LOXHD1: variants seen among roughly 807,000 people sequenced by gnomAD.
LOXHD1 encodes lipoxygenase homology PLAT domains 1.
A neutral mutation model predicts 248.2 loss-of-function variants in LOXHD1; 205 were observed. The ratio of observed to expected loss-of-function variants is 0.83; its 90% CI spans 0.74 to 0.93. The LOEUF is 0.93. Among genes scored for constraint, LOXHD1 ranks in the 40% least tolerant of loss-of-function variants. LOXHD1 has a pLI of 0.00. For missense variants in LOXHD1, 2,930 were observed against 2,971.6 expected (o/e 0.99, Z 0.33); for synonymous variants, 1,113 against 1,162.8 (o/e 0.96, Z 0.87).
At position 46,607,392 on chromosome 18, in the gene LOXHD1, C is replaced by T. The variant is rs921572520; in HGVS notation, c.760-3163G>A. ...ATGTACATATATACATATATACGTA[C>T]GTATATGTACATATATACATATATA... is the stretch of plus-strand genomic sequence containing the variant. On this transcript the variant is annotated intron_variant, in intron 6 of 40. Coordinates refer to ENST00000642948, the MANE Select transcript of LOXHD1 (RefSeq NM_001384474.1). 6.1e-5 allele frequency among the ~76,000 whole-genome samples: 9 copies of T among 147,820 alleles called. No homozygotes were observed. In the South Asian group the frequency reaches 1.1e-3, roughly 17 times the overall value.
chr18:46,562,968 C>T (rs531634587), intron 18 of LOXHD1, 97 bp downstream of exon 18: 52 of 1,376,632 alleles, frequency 3.8e-5, no homozygotes, highest in Admixed American at 1.4e-4. Context: ...AGCCCATTCT[C>T]GGGTGAGTAT....
chr18:46,601,456 T>C lies in LOXHD1; in HGVS notation c.895A>G (p.Ile299Val), dbSNP rs1330216987. ...GGAETTAITY[I>V]VTVFTGDVRG... is the part of the protein sequence containing the mutation. ...ACATCCCCAGTGAAGACGGTGACAA[T>C]ATACGTAATAGCTGGTGTGGAAACA... The change falls in exon 8 of 41, where the codon ATT (isoleucine) becomes GTT (valine). Residue 299 changes from isoleucine (I) to valine (V), a missense_variant. Coordinates refer to ENST00000642948, the MANE Select transcript of LOXHD1 (RefSeq NM_001384474.1). 1 of 1,551,588 alleles carries C rather than the reference T, an allele frequency of 6.4e-7. No individual in the cohort carries two copies. The highest frequency in any genetic ancestry group is 1.4e-5 in the African/African-American group (1 of 72,996).
intron 33 of LOXHD1, 48 bp from the exon 34 acceptor site, chr18:46,518,304 C>T (rs2035377107): frequency 1.9e-6 from 3 of 1,539,520 alleles, no homozygotes; most frequent in African/African-American, 1.4e-5. Flanking sequence ...CACCCTCCAA[C>T]CCCACCTGAC....
intron 2 of LOXHD1, among the ~76,000 whole-genome samples, chr18:46,646,877 C>T (rs2039037800): frequency 6.6e-6 from 1 of 152,246 alleles, no homozygotes; most frequent in Non-Finnish European, 1.5e-5. Context: ...GGGAGAGATG[C>T]TGGCAGCACA....
intron 40 of LOXHD1, among the ~76,000 whole-genome samples, chr18:46,482,604 T>C (rs1020167511): frequency 2.0e-5 from 3 of 152,172 alleles, no homozygotes; most frequent in Non-Finnish European, 2.9e-5. Flanking sequence ...TCCCAAGGAG[T>C]TGCTTGGTCT....
chr18:46,560,045 C>CCCGGCCGG, intron 19 of LOXHD1, 38 bp downstream of exon 19: 1 of 1,344,096 alleles, frequency 7.4e-7, no homozygotes, highest in Non-Finnish European at 1.0e-6. Flanking sequence ...ACTGTCTGGC[C>CCCGGCCGG]ACTCCCTCCC....
chr18:46,562,886 C>T (rs2037558296), intron 18 of LOXHD1, among the ~76,000 whole-genome samples, 179 bp downstream of exon 18: 1 of 152,142 alleles, frequency 6.6e-6, no homozygotes, highest in Non-Finnish European at 1.5e-5. Flanking sequence ...TGATCTAGTC[C>T]AATCCCCTCA....
At chr18:46,632,057 G>A (rs1358947636) in intron 4 of LOXHD1, among the ~76,000 whole-genome samples, 2 of 152,238 alleles carry the variant, frequency 1.3e-5, no homozygotes, top group African/African-American at 4.8e-5. Context: ...AGAAACAGAA[G>A]AGGCAGTGGG....
intron 4 of LOXHD1, among the ~76,000 whole-genome samples, chr18:46,635,391 C>A (rs2144366175): frequency 6.6e-6 from 1 of 152,252 alleles, no homozygotes; most frequent in South Asian, 2.1e-4. Flanking sequence ...GACTAATTGC[C>A]CTTGGTCATG....
intron 40 of LOXHD1, among the ~76,000 whole-genome samples, chr18:46,478,550 CAAGT>C (rs2032243755): frequency 6.6e-6 from 1 of 152,268 alleles, no homozygotes; most frequent in African/African-American, 2.4e-5. Context: ...GAGGTAAGCC[CAAGT>C]ATGTCCTTCC....
intron 37 of LOXHD1, among the ~76,000 whole-genome samples, chr18:46,500,930 TTC>T (rs1229130249): frequency 2.0e-5 from 3 of 152,186 alleles, no homozygotes; most frequent in Admixed American, 6.5e-5. Flanking sequence ...CAGGAGGGTT[TTC>T]TCTGAGTCCT....
intron 24 of LOXHD1, among the ~76,000 whole-genome samples, 167 bp from the exon 25 acceptor site, chr18:46,542,107 C>T (rs1371469192): frequency 6.6e-6 from 1 of 152,196 alleles, no homozygotes; most frequent in Non-Finnish European, 1.5e-5. Context: ...TTAAAATGTG[C>T]ACCCAGATGT....
rs1359286843 is a variant in LOXHD1, at chr18:46,545,310, T to G, written c.3619+7A>C. ...GGGTGAATCTTGGCCCTGCACTGCTTTCTTACCAGTGTCATCCTGTGTGCC... is the reference window on the plus strand; with the variant it reads ...GGGTGAATCTTGGCCCTGCACTGCTGTCTTACCAGTGTCATCCTGTGTGCC... On this transcript the variant is annotated splice_region_variant and intron_variant, in intron 23 of 40. Transcript: ENST00000642948. 6.5e-7 allele frequency: 1 copy of G among 1,547,470 alleles called. No homozygotes were observed. The highest frequency in any genetic ancestry group is 8.7e-7 in the Non-Finnish European group (1 of 1,143,052).
rs910705525 is a variant in LOXHD1 at position 46,657,043 on chromosome 18, TG to T, written c.-11del. ...TCTTCTGGGGCATCATTCTGTCGGCTGCCTTCTCCCAGCGCTCGCAGGCTCA... is the reference window on the plus strand; with the variant it reads ...TCTTCTGGGGCATCATTCTGTCGGCTCCTTCTCCCAGCGCTCGCAGGCTCA... On this transcript the variant is annotated 5_prime_UTR_variant, in exon 1 of 41. Transcript: ENST00000642948. 16 of 1,551,518 alleles carry T rather than the reference TG, an allele frequency of 1.0e-5. No homozygotes were observed. The highest frequency in any genetic ancestry group is 8.7e-6 in the Non-Finnish European group (10 of 1,146,932).
intron 34 of LOXHD1, among the ~76,000 whole-genome samples, chr18:46,510,867 C>T (rs1162789528): frequency 6.6e-6 from 1 of 152,138 alleles, no homozygotes; most frequent in Non-Finnish European, 1.5e-5. Context: ...TAATTGAAGC[C>T]CCATCTGTCC....
chr18:46,530,244 G>T (rs2036002904), intron 28 of LOXHD1, among the ~76,000 whole-genome samples: 1 of 152,166 alleles, frequency 6.6e-6, no homozygotes, highest in African/African-American at 2.4e-5. Context: ...TGGAAGGAAG[G>T]TTAACTTCCC....
At chr18:46,558,088 T>C in intron 20 of LOXHD1, 1 of 985,168 alleles carries the variant, frequency 1.0e-6, no homozygotes, top group Middle Eastern at 5.2e-4. Context: ...TGGATATAAC[T>C]TTTTTGACTC....
At chr18:46,605,490 G>A (rs893835680) in intron 6 of LOXHD1, among the ~76,000 whole-genome samples, 2 of 152,126 alleles carry the variant, frequency 1.3e-5, no homozygotes, top group Non-Finnish European at 2.9e-5. Context: ...CTCCAGTCTG[G>A]GCGATAGTGC....
intron 14 of LOXHD1, among the ~76,000 whole-genome samples, chr18:46,576,516 C>T (rs1028541801): frequency 6.6e-6 from 1 of 152,202 alleles, no homozygotes; most frequent in Non-Finnish European, 1.5e-5. Flanking sequence ...TTTTCCTCTC[C>T]CTCTGTCCAC....
Sources: gnomAD v4.1 joint callset for allele counts (sites outside exome capture counted in the v4.1 genomes callset) on GRCh38, gnomAD v4.1.1 for gene constraint, MANE v1.5 for transcripts, NCBI Gene and HGNC (gene_info 2026-07-23, HGNC 2026-07-21) for gene names.